Variants in B3GALNT2 observed in about 807,000 individuals in gnomAD.
B3GALNT2 encodes the protein beta-1,3-N-acetylgalactosaminyltransferase 2, also known as UDP-GalNAc:beta-1,3-N-acetylgalactosaminyltransferase 2.
Under a neutral mutation model 61.1 loss-of-function variants are expected in B3GALNT2, and 53 were observed. That is an observed-to-expected ratio of 0.87 (90% CI 0.70 to 1.09). B3GALNT2 has a LOEUF of 1.09. Among genes scored for constraint, B3GALNT2 ranks in the 50% least tolerant of loss-of-function variants. The pLI is 0.00. For missense variants in B3GALNT2, 544 were observed against 623.0 expected, an observed-to-expected ratio of 0.87 and a Z score of 1.35; for synonymous variants, 223 against 237.4, an observed-to-expected ratio of 0.94 and a Z score of 0.56.
chr1:235,474,821 A>G (rs1684161451), intron 5 of B3GALNT2, among the ~76,000 whole-genome samples: 1 of 151,298 alleles, frequency 6.6e-6, no homozygotes, highest in Non-Finnish European at 1.5e-5. Context: ...AATTCTGTCT[A>G]AGGATGTAAG....
At chr1:235,494,301 T>C (rs1685210975) in intron 2 of B3GALNT2, among the ~76,000 whole-genome samples, 1 of 152,178 alleles carries the variant, frequency 6.6e-6, no homozygotes, top group Non-Finnish European at 1.5e-5. Context: ...CCAGTGAATA[T>C]ACTCTCTTCC....
At chr1:235,469,851 C>T (rs1683898969) in intron 6 of B3GALNT2, among the ~76,000 whole-genome samples, 1 of 151,888 alleles carries the variant, frequency 6.6e-6, no homozygotes, top group Non-Finnish European at 1.5e-5. Flanking sequence ...CATAAGCCAG[C>T]ACACCCCGCC....
At chr1:235,453,535 A>G (rs1683026504) in intron 10 of B3GALNT2, among the ~76,000 whole-genome samples, 1 of 151,956 alleles carries the variant, frequency 6.6e-6, no homozygotes, top group Non-Finnish European at 1.5e-5. Flanking sequence ...AGCTCACTGC[A>G]AACTCCGCCT....
At chr1:235,498,888 T>A (rs1685458258) in intron 1 of B3GALNT2, among the ~76,000 whole-genome samples, 1 of 144,210 alleles carries the variant, frequency 6.9e-6, no homozygotes. Flanking sequence ...CTACTCTTTT[T>A]CATTGCGGGA....
chr1:235,502,044 C>T (rs961497500), intron 1 of B3GALNT2, among the ~76,000 whole-genome samples: 8 of 152,182 alleles, frequency 5.3e-5, no homozygotes, highest in African/African-American at 1.7e-4. Flanking sequence ...TGGACTTTCG[C>T]TCTTGTCACC....
At chr1:235,481,177 T>C (rs1684549773) in intron 4 of B3GALNT2, among the ~76,000 whole-genome samples, 1 of 152,170 alleles carries the variant, frequency 6.6e-6, no homozygotes, top group Non-Finnish European at 1.5e-5. Context: ...AGTTTTTGCA[T>C]CGTGACTACC....
chr1:235,486,704 C>T (rs1043404703), intron 3 of B3GALNT2, among the ~76,000 whole-genome samples: 1 of 152,186 alleles, frequency 6.6e-6, no homozygotes, highest in African/African-American at 2.4e-5. Context: ...TAAAGTTCTA[C>T]TTCTTTACTT....
At position 235,449,891 on chromosome 1, in the gene B3GALNT2, G is replaced by A; in HGVS notation, c.*315C>T. ...GCCAAGTTTTAACCAAAAACTATAGGTAATGGTGAATTACTAATTAGCCAC... is the reference window on the plus strand; with the variant it reads ...GCCAAGTTTTAACCAAAAACTATAGATAATGGTGAATTACTAATTAGCCAC... On this transcript the variant is annotated 3_prime_UTR_variant, in exon 12 of 12. Coordinates refer to ENST00000366600, the MANE Select transcript of B3GALNT2 (RefSeq NM_152490.5). The A allele has an allele frequency of 4.5e-6, 1 of 222,322 alleles. No homozygotes were observed. Among genetic ancestry groups the A allele is most frequent in the South Asian group, 7.5e-5 (1 of 13,278 alleles). The allele number at this position is 222,322 out of a possible 1,614,324, so 13.8% of individuals were successfully genotyped here.
chr1:235,440,551 C>T, the B3GALNT2 span, among the ~76,000 whole-genome samples: 4 of 152,086 alleles, frequency 2.6e-5, no homozygotes, highest in African/African-American at 9.7e-5. Context: ...TGCCACCATG[C>T]CCGGCTAATT....
chr1:235,493,531 A>G (rs1354856874), intron 2 of B3GALNT2, among the ~76,000 whole-genome samples: 1 of 152,002 alleles, frequency 6.6e-6, no homozygotes, highest in African/African-American at 2.4e-5. Flanking sequence ...TAATCCCAGC[A>G]CTTTGGGAGG....
intron 2 of B3GALNT2, among the ~76,000 whole-genome samples, chr1:235,493,453 T>A (rs1007241801): frequency 6.6e-6 from 1 of 152,146 alleles, no homozygotes; most frequent in African/African-American, 2.4e-5. Context: ...GAATGAAAGC[T>A]ACTATGAGTA....
Position 235,455,582 on chromosome 1 carries a change from A to T in B3GALNT2, c.1128T>A (p.Asp376Glu). ...VFNRIVQKNL[D>E]GPNFWWGNFR... Reference sequence around the variant, plus strand: ...ACTTTCCCCACCAAAAATTAGGCCCATCCAGATTCTTTTGGACAATCCTAT... The same window carrying T: ...ACTTTCCCCACCAAAAATTAGGCCCTTCCAGATTCTTTTGGACAATCCTAT... The change falls in exon 9 of 12, where the codon GAT becomes GAA. Residue 376 changes from aspartate to glutamate, a missense_variant. Physicochemically the swap from Asp to Glu is conservative, Grantham distance 45. Coordinates refer to ENST00000366600, the MANE Select transcript of B3GALNT2 (RefSeq NM_152490.5). The T allele has an allele frequency of 1.2e-6, 2 of 1,613,008 alleles. No homozygotes were observed. The highest frequency in any genetic ancestry group is 1.7e-6 in the Non-Finnish European group (2 of 1,178,962).
At chr1:235,481,010 C>T (rs972941373) in intron 4 of B3GALNT2, among the ~76,000 whole-genome samples, 3 of 148,792 alleles carry the variant, frequency 2.0e-5, no homozygotes, top group African/African-American at 5.0e-5. Context: ...GGCAACATTT[C>T]CTCATTCTCA....
chr1:235,443,466 G>A (rs1393318631), downstream of B3GALNT2, among the ~76,000 whole-genome samples: 1 of 152,094 alleles, frequency 6.6e-6, no homozygotes, highest in Admixed American at 6.6e-5. Context: ...GCCTCCCAGT[G>A]TTGGAATTAA....
In B3GALNT2 at chr1:235,448,508, T is replaced by C. The variant is rs1682632612; in HGVS notation, c.*1698A>G. 4 of 1,486,482 alleles carry C rather than the reference T, an allele frequency of 2.7e-6. No individual in the cohort carries two copies. Among genetic ancestry groups the C allele is most frequent in the Non-Finnish European group, 3.8e-6 (4 of 1,063,926 alleles). The allele number at this position is 1,486,482 out of a possible 1,614,324, so 92.1% of individuals were successfully genotyped here. A position where few individuals can be genotyped will look rare whatever the true frequency, so the allele number is the denominator to read the frequency against. The stretch of plus-strand genomic sequence containing the variant: ...CCTCGTATTATGACATTAAACTGTC[T>C]CTAGATAGCAACAGTTTGATTCTAA... On this transcript the variant is annotated 3_prime_UTR_variant, in exon 12 of 12. Transcript: ENST00000366600.
chr1:235,489,075 T>A, intron 3 of B3GALNT2, 93 bp downstream of exon 3: 2 of 1,417,926 alleles, frequency 1.4e-6, no homozygotes, highest in Non-Finnish European at 1.9e-6. Flanking sequence ...AATAAAATAA[T>A]AAAAAATAAA....
intron 5 of B3GALNT2, among the ~76,000 whole-genome samples, chr1:235,471,162 T>C (rs955384790): frequency 1.3e-5 from 2 of 152,208 alleles, no homozygotes; most frequent in African/African-American, 4.8e-5. Flanking sequence ...AAAAACCAAT[T>C]ACAAAGAGTA....
At chr1:235,475,960 G>A (rs956953336) in intron 5 of B3GALNT2, among the ~76,000 whole-genome samples, 5 of 152,066 alleles carry the variant, frequency 3.3e-5, no homozygotes, top group African/African-American at 9.7e-5. Context: ...AAAGTGCTGG[G>A]AGGATAAGCC....
intron 5 of B3GALNT2, among the ~76,000 whole-genome samples, chr1:235,474,987 A>ATATATATTTTTTTTTT (rs1180244284): frequency 2.8e-5 from 1 of 35,574 alleles, no homozygotes; most frequent in Non-Finnish European, 4.9e-5. Flanking sequence ...ATATATATAT[A>ATATATATTTTTTTTTT]TTTTTTTTTT....
Sources: gnomAD v4.1 joint callset for allele counts (sites outside exome capture counted in the v4.1 genomes callset) on GRCh38, gnomAD v4.1.1 for gene constraint, MANE v1.5 for transcripts, NCBI Gene and HGNC (gene_info 2026-07-23, HGNC 2026-07-21) for gene names.